Variants in RIMKLA observed in about 807,000 individuals in gnomAD.
The protein encoded by RIMKLA is N-acetylaspartylglutamate synthase A.
Under a neutral mutation model 32.7 loss-of-function variants are expected in RIMKLA, and 14 were observed. The ratio of observed to expected loss-of-function variants is 0.43; its 90% CI spans 0.28 to 0.67. The LOEUF is 0.67. RIMKLA is among the 30% of genes least tolerant of loss of function. The pLI, the probability that RIMKLA is intolerant of heterozygous loss-of-function variation, is 0.18. For synonymous variants in RIMKLA, 176 were observed against 204.1 expected, an observed-to-expected ratio of 0.86 and a Z score of 1.18; for missense variants, 410 against 519.0, an observed-to-expected ratio of 0.79 and a Z score of 2.04.
rs913509818 is a variant in RIMKLA, at chr1:42,421,516, T to C, written c.*6542T>C. 6.6e-5 allele frequency: 10 copies of C among 152,274 alleles called. No individual in the cohort carries two copies. The highest frequency in any genetic ancestry group is 2.4e-4 in the African/African-American group (10 of 41,448). The allele number at this position is 152,274 out of a possible 1,614,324, so 9.4% of individuals were successfully genotyped here. A position where few individuals can be genotyped will look rare whatever the true frequency, so the allele number is the denominator to read the frequency against. ...CTAAAATTCTGCTGTCCTGGGCCTA[T>C]CCGGAGTGGGACTCCCGTAATCTCC... On this transcript the variant is annotated 3_prime_UTR_variant, in exon 5 of 5. Transcript: ENST00000431473. This position sits in a 1 kb window ranked among gnomAD's most constrained non-coding sequence, Gnocchi z 4.6.
In RIMKLA at chr1:42,423,267, A is replaced by G. The variant is rs1210421189; in HGVS notation, c.*8293A>G. Among the ~76,000 whole-genome samples the G allele has an allele frequency of 6.6e-6, 1 of 152,232 alleles. No individual in the cohort carries two copies. Among genetic ancestry groups the G allele is most frequent in the Admixed American group, 6.5e-5 (1 of 15,280 alleles). On this transcript the variant is annotated 3_prime_UTR_variant, in exon 5 of 5. Coordinates refer to ENST00000431473, the MANE Select transcript of RIMKLA (RefSeq NM_173642.4). ...TACCATTCATATTGTCCTTGAACCCAAACACTGGGGAATGTGGCCTATGTT... is the reference window on the plus strand; with the variant it reads ...TACCATTCATATTGTCCTTGAACCCGAACACTGGGGAATGTGGCCTATGTT...
At chr1:42,393,680 G>A (rs1643018222) in intron 1 of RIMKLA, among the ~76,000 whole-genome samples, 2 of 152,190 alleles carry the variant, frequency 1.3e-5, no homozygotes, top group African/African-American at 4.8e-5. Context: ...AAGAAATAAG[G>A]GGAAAGGTGG....
At chr1:42,404,436 C>A in intron 2 of RIMKLA, 75 bp from the exon 3 acceptor site, 1 of 955,620 alleles carries the variant, frequency 1.0e-6, no homozygotes, top group Non-Finnish European at 1.7e-6. Flanking sequence ...AGAATTCCTA[C>A]AGAGGGGCGG....
Position 42,415,219 on chromosome 1 carries a change from G to T in RIMKLA, c.*245G>T. The T allele has an allele frequency of 2.3e-6, 1 of 437,790 alleles. No homozygotes were observed. The highest frequency in any genetic ancestry group is 4.1e-6 in the Non-Finnish European group (1 of 246,822). The allele number at this position is 437,790 out of a possible 1,614,324, so 27.1% of individuals were successfully genotyped here. A position where few individuals can be genotyped will look rare whatever the true frequency, so the allele number is the denominator to read the frequency against. ...AGTATGAGACTGATGTCTGCTGTGAGCACGTGGATATTACGGCTGACGCTA... is the reference window on the plus strand; with the variant it reads ...AGTATGAGACTGATGTCTGCTGTGATCACGTGGATATTACGGCTGACGCTA... On this transcript the variant is annotated 3_prime_UTR_variant, in exon 5 of 5. Transcript: ENST00000431473.
At chr1:42,391,746 A>G (rs1643001650) in intron 1 of RIMKLA, among the ~76,000 whole-genome samples, 1 of 152,146 alleles carries the variant, frequency 6.6e-6, no homozygotes. Context: ...GGTGACTGAT[A>G]TGAACAGAGG....
At chr1:42,409,775 G>A (rs2148394403) in intron 3 of RIMKLA, among the ~76,000 whole-genome samples, 1 of 152,320 alleles carries the variant, frequency 6.6e-6, no homozygotes. Context: ...ATGGTGGAGG[G>A]AGAGGGTATT....
At position 42,381,115 on chromosome 1, in the gene RIMKLA, G is replaced by C. The variant is rs11210626; in HGVS notation, c.163+18G>C. On this transcript the variant is annotated intron_variant, in intron 1 of 4. Coordinates refer to ENST00000431473, the MANE Select transcript of RIMKLA (RefSeq NM_173642.4). Reference sequence around the variant, plus strand: ...CCACCTCGGTGAGCGAGGCGGGCCCGGGGAGGGCAGGGAGGCGCGCCGGGG... The same window carrying C: ...CCACCTCGGTGAGCGAGGCGGGCCCCGGGAGGGCAGGGAGGCGCGCCGGGG... 0.6 allele frequency: 751,542 copies of C among 1,243,042 alleles called. 229,077 individuals carry two copies. The highest frequency in any genetic ancestry group is 0.68 in the African/African-American group (43,826 of 64,424). The allele number at this position is 1,243,042 out of a possible 1,614,324, so 77.0% of individuals were successfully genotyped here. A position where few individuals can be genotyped will look rare whatever the true frequency, so the allele number is the denominator to read the frequency against.
chr1:42,395,711 G>A (rs978806663), intron 1 of RIMKLA, among the ~76,000 whole-genome samples: 27 of 152,164 alleles, frequency 1.8e-4, no homozygotes, highest in Non-Finnish European at 1.0e-4. Context: ...CCTGTATTAA[G>A]TTTATTAGGT....
At chr1:42,384,008 C>G (rs1275028637) in intron 1 of RIMKLA, among the ~76,000 whole-genome samples, 4 of 152,256 alleles carry the variant, frequency 2.6e-5, no homozygotes, top group African/African-American at 9.6e-5. Context: ...TCACTCCTTT[C>G]CATTGCTTCT....
chr1:42,403,453 G>A (rs376750572), intron 2 of RIMKLA, among the ~76,000 whole-genome samples: 59 of 152,254 alleles, frequency 3.9e-4, no homozygotes, highest in African/African-American at 1.3e-3. Context: ...TCATGACATG[G>A]ACTCTAAGCT....
intron 3 of RIMKLA, among the ~76,000 whole-genome samples, chr1:42,408,121 A>T (rs551888025): frequency 2.6e-5 from 4 of 151,946 alleles, no homozygotes; most frequent in African/African-American, 9.7e-5. Context: ...CTTGCCCCAC[A>T]CTCATTGATT....
rs1307333634 is a variant in RIMKLA, at chr1:42,414,661, A to G, written c.863A>G (p.Asn288Ser). 5.6e-6 allele frequency: 9 copies of G among 1,614,208 alleles called. No individual in the cohort carries two copies. Among genetic ancestry groups the G allele is most frequent in the South Asian group, 2.2e-5 (2 of 91,086 alleles). The change falls in exon 5 of 5, where the codon AAC becomes AGC. Residue 288 changes from asparagine to serine, a missense_variant. Asn to Ser is a conservative substitution (Grantham distance 46). Transcript: ENST00000431473. The part of the protein sequence containing the change: ...VGFLAFDQAC[N>S]LDVGGIIADY... ...TTCCTAGCCTTTGACCAGGCATGCA[A>G]CTTAGATGTGGGTGGGATCATTGCA...
chr1:42,385,295 C>A (rs1315350603), intron 1 of RIMKLA, among the ~76,000 whole-genome samples: 1 of 152,044 alleles, frequency 6.6e-6, no homozygotes, highest in Non-Finnish European at 1.5e-5. Flanking sequence ...AGGACAGATT[C>A]ACTAGGAAGA....
chr1:42,406,149 T>G (rs1186980316), intron 3 of RIMKLA, among the ~76,000 whole-genome samples: 1 of 152,204 alleles, frequency 6.6e-6, no homozygotes, highest in Non-Finnish European at 1.5e-5. Context: ...CTCGAGTAGC[T>G]TACGTTGTAG....
Position 42,387,857 on chromosome 1 carries a change from G to A in RIMKLA, c.163+6760G>A, listed in dbSNP as rs546694201. On this transcript the variant is annotated intron_variant, in intron 1 of 4. Transcript: ENST00000431473. ...TAAATAAAAAGTATAGTATATTGGC[G>A]AAAAGAGCTAAGCAAGAAAAAAAGA... 7.6e-5 allele frequency among the ~76,000 whole-genome samples: 11 copies of A among 145,612 alleles called. No homozygotes were observed. The South Asian group carries it at 8.8e-4, about 12-fold the overall frequency.
In RIMKLA at chr1:42,385,874, CTTTCTTTCTTTCTTTCT is replaced by C. The variant is rs1642940396; in HGVS notation, c.163+4780_163+4796del. Among the ~76,000 whole-genome samples, 2 of 87,284 alleles carry C rather than the reference CTTTCTTTCTTTCTTTCT, an allele frequency of 2.3e-5. 1 individual carries two copies. The highest frequency in any genetic ancestry group is 8.4e-5 in the African/African-American group (2 of 23,906). 57.3% of individuals were successfully genotyped at this position (87,284 alleles called of 152,430 possible). A position where few individuals can be genotyped will look rare whatever the true frequency, so the allele number is the denominator to read the frequency against. On this transcript the variant is annotated intron_variant, in intron 1 of 4. Coordinates refer to ENST00000431473, the MANE Select transcript of RIMKLA (RefSeq NM_173642.4). ...TCTTTCTTTCTTTCTTTCTTTCTTTCTTTCTTTCTTTCTTTCTTTCTTTCCTTCTTTCCTTCTTTCCT... is the reference window on the plus strand; with the variant it reads ...TCTTTCTTTCTTTCTTTCTTTCTTTCTTCTTTCCTTCTTTCCTTCTTTCCT...
In RIMKLA at chr1:42,418,875, G is replaced by A. The variant is rs1643272881; in HGVS notation, c.*3901G>A. On this transcript the variant is annotated 3_prime_UTR_variant, in exon 5 of 5. Coordinates refer to ENST00000431473, the MANE Select transcript of RIMKLA (RefSeq NM_173642.4). ...TTAGCAGGTCAGTTTAAGGAGTCAG[G>A]TCAGAGAATAAATCCAACCTTAGTC... 1 of 152,240 alleles carries A rather than the reference G, an allele frequency of 6.6e-6. No individual in the cohort carries two copies. Among genetic ancestry groups the A allele is most frequent in the Admixed American group, 6.5e-5 (1 of 15,290 alleles). The allele number at this position is 152,240 out of a possible 1,614,324, so 9.4% of individuals were successfully genotyped here.
chr1:42,412,615 C>T, intron 4 of RIMKLA: 1 of 511,226 alleles, frequency 2.0e-6, no homozygotes, highest in Admixed American at 2.0e-5. Context: ...AGGTTCACAA[C>T]AATTTTCCCA....
At chr1:42,386,508 T>A (rs1300143675) in intron 1 of RIMKLA, among the ~76,000 whole-genome samples, 1 of 151,974 alleles carries the variant, frequency 6.6e-6, no homozygotes, top group African/African-American at 2.4e-5. Context: ...TTGGTTATAA[T>A]TGGGTTTATA....
Sources: gnomAD v4.1 joint callset for allele counts (sites outside exome capture counted in the v4.1 genomes callset) on GRCh38, gnomAD v4.1.1 for gene constraint, Gnocchi (gnomAD v3.1) non-coding constraint, MANE v1.5 for transcripts, NCBI Gene and HGNC (gene_info 2026-07-23, HGNC 2026-07-21) for gene names.